ASCC3: variants seen among roughly 807,000 people sequenced by gnomAD.
ASCC3 encodes ASC-1 complex subunit P200.
A neutral mutation model predicts 256.3 loss-of-function variants in ASCC3; 158 were observed. The observed-to-expected ratio is 0.62, with a 90% CI of 0.54 to 0.70. The LOEUF (loss-of-function observed/expected upper bound fraction) is 0.70. Among genes scored for constraint, ASCC3 ranks in the 30% least tolerant of loss-of-function variants. The pLI is 0.00. For synonymous variants in ASCC3, 948 were observed against 883.4 expected, an observed-to-expected ratio of 1.07 and a Z score of -1.30; for missense variants, 2,259 against 2,626.0, an observed-to-expected ratio of 0.86 and a Z score of 3.05.
chr6:100,723,939 TAC>T lies in ASCC3; in HGVS notation c.1902+1598_1902+1599del, dbSNP rs201590643. Among the ~76,000 whole-genome samples the T allele has an allele frequency of 1.2e-3, 168 of 141,556 alleles. 1 individual carries two copies. Among genetic ancestry groups the T allele is most frequent in the African/African-American group, 3.8e-3 (149 of 38,732 alleles). 92.9% of individuals were successfully genotyped at this position (141,556 alleles called of 152,430 possible). On this transcript the variant is annotated intron_variant, in intron 11 of 41. Coordinates refer to ENST00000369162, the MANE Select transcript of ASCC3 (RefSeq NM_006828.4). ...GACACATATATATAATATATATATA[TAC>T]ACACACACATGCATATACATCATAT...
At chr6:100,603,549 A>G (rs1320063579) in intron 33 of ASCC3, among the ~76,000 whole-genome samples, 1 of 152,106 alleles carries the variant, frequency 6.6e-6, no homozygotes, top group Admixed American at 6.6e-5. Context: ...AAAGCTTTCA[A>G]TATCTTCTTA....
At chr6:100,877,098 T>G (rs904219199) in intron 1 of ASCC3, among the ~76,000 whole-genome samples, 2 of 152,186 alleles carry the variant, frequency 1.3e-5, no homozygotes, top group Admixed American at 6.6e-5. Flanking sequence ...GACTGCTTGA[T>G]AGCAACTTTA....
At chr6:100,853,446 G>T (rs1463770165) in intron 3 of ASCC3, among the ~76,000 whole-genome samples, 4 of 138,340 alleles carry the variant, frequency 2.9e-5, no homozygotes, top group Non-Finnish European at 6.3e-5. Context: ...TTTTGAGACG[G>T]AGTCTTGCTC....
chr6:100,647,480 T>C (rs1234767054), intron 20 of ASCC3, 29 bp from the exon 21 acceptor site: 2 of 1,566,776 alleles, frequency 1.3e-6, no homozygotes, highest in African/African-American at 1.4e-5. Context: ...AGATTGGTGG[T>C]TATACCCAAT....
chr6:100,777,090 C>T (rs1357172569), intron 8 of ASCC3, among the ~76,000 whole-genome samples: 1 of 152,074 alleles, frequency 6.6e-6, no homozygotes, highest in Non-Finnish European at 1.5e-5. Context: ...CTACGTAAGT[C>T]ACGAGATTAA....
intron 4 of ASCC3, among the ~76,000 whole-genome samples, chr6:100,840,003 C>G (rs1772060273): frequency 6.6e-6 from 1 of 152,186 alleles, no homozygotes; most frequent in Non-Finnish European, 1.5e-5. Context: ...CTAAACATCA[C>G]AGTCAGCTAA....
chr6:100,509,306 A>G lies in ASCC3; in HGVS notation c.*80T>C. 2 of 1,573,570 alleles carry G rather than the reference A, an allele frequency of 1.3e-6. No homozygotes were observed. Among genetic ancestry groups the G allele is most frequent in the Non-Finnish European group, 1.7e-6 (2 of 1,144,552 alleles). Reference sequence around the variant, plus strand: ...AGAAGTTGATTCTTTCAAGGCAAACATCAAGTAATTCGATTTGTCTAGATG... The same window carrying G: ...AGAAGTTGATTCTTTCAAGGCAAACGTCAAGTAATTCGATTTGTCTAGATG... On this transcript the variant is annotated 3_prime_UTR_variant, in exon 42 of 42. Coordinates refer to ENST00000369162, the MANE Select transcript of ASCC3 (RefSeq NM_006828.4).
chr6:100,793,965 T>C (rs1172448605), intron 8 of ASCC3, among the ~76,000 whole-genome samples: 3 of 152,154 alleles, frequency 2.0e-5, no homozygotes, highest in Middle Eastern at 3.4e-3. Context: ...ACAAAAAGCC[T>C]ATATCTCATT....
chr6:100,670,696 G>C (rs546556288), intron 14 of ASCC3, among the ~76,000 whole-genome samples: 1 of 151,480 alleles, frequency 6.6e-6, no homozygotes, highest in South Asian at 2.1e-4. Flanking sequence ...CCATGGACAT[G>C]GAGGGCCATC....
intron 37 of ASCC3, among the ~76,000 whole-genome samples, chr6:100,520,062 G>A (rs1774225403): frequency 6.6e-6 from 1 of 152,124 alleles, no homozygotes; most frequent in Non-Finnish European, 1.5e-5. Flanking sequence ...TTACTCCCTA[G>A]TTGTCTTGTT....
At chr6:100,550,845 GTA>G (rs1432522238) in intron 36 of ASCC3, among the ~76,000 whole-genome samples, 2 of 151,886 alleles carry the variant, frequency 1.3e-5, no homozygotes, top group African/African-American at 4.8e-5. Flanking sequence ...AGTAGTATCA[GTA>G]TCAGATGAGT....
intron 30 of ASCC3, among the ~76,000 whole-genome samples, chr6:100,613,908 T>A (rs1187370987): frequency 6.6e-6 from 1 of 152,146 alleles, no homozygotes. Context: ...TGGTGATTAG[T>A]AATGGTGAGC....
rs1244946430 is a variant in ASCC3 at position 100,608,108 on chromosome 6, GTA to G, written c.4786-1022_4786-1021del. ...TATATATCTATATACACATATATAT[GTA>G]TATATATCTATATATACATATATAT... On this transcript the variant is annotated intron_variant, in intron 30 of 41. Transcript: ENST00000369162. Among the ~76,000 whole-genome samples, 11 of 115,756 alleles carry G rather than the reference GTA, an allele frequency of 9.5e-5. No homozygotes were observed. The South Asian group carries it at 1.8e-3, about 18-fold the overall frequency. The allele number at this position is 115,756 out of a possible 152,430, so 75.9% of individuals were successfully genotyped here. A position where few individuals can be genotyped will look rare whatever the true frequency, so the allele number is the denominator to read the frequency against.
intron 30 of ASCC3, among the ~76,000 whole-genome samples, chr6:100,616,987 G>A (rs890538706): frequency 4.6e-5 from 7 of 151,650 alleles, no homozygotes; most frequent in Non-Finnish European, 1.0e-4. Context: ...ACTTTTTGTT[G>A]TTGTCGTTGT....
chr6:100,603,217 C>T (rs957260908), intron 33 of ASCC3, among the ~76,000 whole-genome samples: 2 of 151,650 alleles, frequency 1.3e-5, no homozygotes, highest in African/African-American at 2.4e-5. Flanking sequence ...AAAATAATAA[C>T]GGTCATATCA....
At chr6:100,514,641 A>G (rs1444095497) in intron 39 of ASCC3, among the ~76,000 whole-genome samples, 1 of 151,910 alleles carries the variant, frequency 6.6e-6, no homozygotes, top group Non-Finnish European at 1.5e-5. Context: ...TATATAAAAC[A>G]TGAACTATTT....
chr6:100,819,038 C>A (rs1056603132), intron 4 of ASCC3, among the ~76,000 whole-genome samples: 1 of 151,940 alleles, frequency 6.6e-6, no homozygotes, highest in Non-Finnish European at 1.5e-5. Context: ...AGCTAGAAAC[C>A]ATCATTCTCA....
chr6:100,598,705 C>T (rs1162439644), intron 34 of ASCC3, among the ~76,000 whole-genome samples: 1 of 152,128 alleles, frequency 6.6e-6, no homozygotes, highest in East Asian at 1.9e-4. Context: ...GCTCATCTCA[C>T]TCTTATGGTT....
At chr6:100,831,750 C>T (rs879377076) in intron 4 of ASCC3, among the ~76,000 whole-genome samples, 2 of 151,962 alleles carry the variant, frequency 1.3e-5, no homozygotes, top group Non-Finnish European at 2.9e-5. Context: ...CTAAAACTGG[C>T]AGTCAACAAA....
Sources: gnomAD v4.1 joint callset for allele counts (sites outside exome capture counted in the v4.1 genomes callset) on GRCh38, gnomAD v4.1.1 for gene constraint, MANE v1.5 for transcripts, NCBI Gene and HGNC (gene_info 2026-07-23, HGNC 2026-07-21) for gene names.